Variants in SEMA6D observed in about 807,000 individuals in gnomAD.
SEMA6D encodes semaphorin-6D.
SEMA6D carries 35 observed loss-of-function variants against 106.6 expected under a neutral mutation model. The observed-to-expected ratio is 0.33, with a 90% CI of 0.25 to 0.44. The LOEUF is 0.44. Among genes scored for constraint, SEMA6D ranks in the 20% least tolerant of loss-of-function variants. The pLI, the probability that SEMA6D is intolerant of heterozygous loss-of-function variation, is 1.00. For synonymous variants in SEMA6D, 499 were observed against 487.7 expected (o/e 1.02, Z -0.31); for missense variants, 1,185 against 1,345.9 (o/e 0.88, Z 1.87).
At chr15:47,193,650 GAAAAACAAAAAC>G (rs898880818) in intron 1 of SEMA6D, among the ~76,000 whole-genome samples, 1 of 152,028 alleles carries the variant, frequency 6.6e-6, no homozygotes, top group South Asian at 2.1e-4. Flanking sequence ...GTATTTCTAT[GAAAAACAAAAAC>G]AAAAACAAAA....
chr15:47,600,283 A>G (rs1410236302), intron 3 of SEMA6D, among the ~76,000 whole-genome samples: 1 of 152,006 alleles, frequency 6.6e-6, no homozygotes, highest in African/African-American at 2.4e-5. Flanking sequence ...GGAGTAACTG[A>G]TTTATTTTGT....
chr15:47,761,431 G>A lies in SEMA6D; in HGVS notation c.447G>A (p.Arg149=). The A allele has an allele frequency of 3.1e-6, 5 of 1,598,472 alleles. No individual in the cohort carries two copies. Among genetic ancestry groups the A allele is most frequent in the Non-Finnish European group, 4.3e-6 (5 of 1,170,632 alleles). ...NAFNPMCRYY[R]LSTLEYDGEE... is the part of the protein sequence containing the mutation. ...TCAATCCCATGTGTAGATACTACAG[G>A]GTAAGTATATTTTATGTGATATGCT... Residue 149 remains arginine, a splice_region_variant and synonymous_variant, in exon 6 of 19, where the codon AGG becomes AGA. Transcript: ENST00000536845.
chr15:47,245,591 T>C (rs2033152918), intron 1 of SEMA6D, among the ~76,000 whole-genome samples: 4 of 152,350 alleles, frequency 2.6e-5, no homozygotes, highest in Admixed American at 2.0e-4. Context: ...TGGATATCTG[T>C]ACTAGTAAGG....
At chr15:47,237,967 T>C (rs542406423) in intron 1 of SEMA6D, among the ~76,000 whole-genome samples, 1 of 152,096 alleles carries the variant, frequency 6.6e-6, no homozygotes, top group South Asian at 2.1e-4. Flanking sequence ...TTAAGAAAGG[T>C]CAGCGGTTAC....
upstream of SEMA6D, among the ~76,000 whole-genome samples, chr15:47,715,242 G>C: frequency 6.6e-6 from 1 of 152,148 alleles, no homozygotes; most frequent in East Asian, 1.9e-4. Flanking sequence ...TAAAGCATAA[G>C]GTAGGGAGAG....
chr15:47,478,384 GA>G (rs1438394064), intron 3 of SEMA6D, among the ~76,000 whole-genome samples: 2 of 152,166 alleles, frequency 1.3e-5, no homozygotes, highest in Non-Finnish European at 2.9e-5. Flanking sequence ...GTAATTACAG[GA>G]AGGCAAGCAG....
chr15:47,194,669 C>T (rs973006381), intron 1 of SEMA6D, among the ~76,000 whole-genome samples: 7 of 152,120 alleles, frequency 4.6e-5, no homozygotes, highest in Non-Finnish European at 1.0e-4. Flanking sequence ...TTACAGTTAC[C>T]TGATGTCATG....
At chr15:47,508,225 C>T (rs765460067) in intron 3 of SEMA6D, among the ~76,000 whole-genome samples, 11 of 152,190 alleles carry the variant, frequency 7.2e-5, no homozygotes, top group Non-Finnish European at 7.3e-5. Context: ...TAAAGGTTAG[C>T]ATTCCATGGG....
chr15:47,704,696 G>A (rs1285475499), intron 4 of SEMA6D, among the ~76,000 whole-genome samples: 3 of 151,590 alleles, frequency 2.0e-5, no homozygotes, highest in Non-Finnish European at 4.4e-5. Flanking sequence ...TCCAGCCTGG[G>A]CAACAGAGCC....
chr15:47,686,035 C>A (rs1596630804), intron 4 of SEMA6D, among the ~76,000 whole-genome samples: 1 of 152,140 alleles, frequency 6.6e-6, no homozygotes, highest in South Asian at 2.1e-4. Flanking sequence ...TGCAGACATT[C>A]AGCTACTATC....
At chr15:47,481,082 A>G (rs541991531) in intron 3 of SEMA6D, among the ~76,000 whole-genome samples, 1 of 152,280 alleles carries the variant, frequency 6.6e-6, no homozygotes, top group South Asian at 2.1e-4. Context: ...AAATTCCCCG[A>G]GTCTTGAATG....
chr15:47,198,143 T>C (rs1894485627), intron 1 of SEMA6D, among the ~76,000 whole-genome samples: 1 of 152,100 alleles, frequency 6.6e-6, no homozygotes, highest in African/African-American at 2.4e-5. Context: ...AAAATTGATC[T>C]CATAGATGTG....
At chr15:47,768,137 T>A (rs2082441952) in intron 17 of SEMA6D, among the ~76,000 whole-genome samples, 1 of 152,192 alleles carries the variant, frequency 6.6e-6, no homozygotes, top group Non-Finnish European at 1.5e-5. Flanking sequence ...CTTAACCAGA[T>A]ATTTTCCAAC....
chr15:47,411,752 C>T (rs780284114), intron 1 of SEMA6D, among the ~76,000 whole-genome samples: 55 of 152,230 alleles, frequency 3.6e-4, no homozygotes, highest in Non-Finnish European at 5.6e-4. Flanking sequence ...TCCATGGGCT[C>T]GCATTTCTTC....
chr15:47,469,743 C>T (rs1447130844), intron 2 of SEMA6D, among the ~76,000 whole-genome samples: 1 of 152,130 alleles, frequency 6.6e-6, no homozygotes, highest in African/African-American at 2.4e-5. Context: ...GCTTACCTCC[C>T]TTCTTCATGA....
intron 1 of SEMA6D, chr15:47,730,728 G>A (rs1487670340): frequency 6.2e-7 from 1 of 1,604,454 alleles, no homozygotes; most frequent in Admixed American, 1.7e-5. Context: ...GCCGCTTATA[G>A]AGTATAGCTC....
intron 3 of SEMA6D, among the ~76,000 whole-genome samples, chr15:47,546,161 A>T (rs140018831): frequency 6.6e-6 from 1 of 152,258 alleles, no homozygotes; most frequent in African/African-American, 2.4e-5. Flanking sequence ...TTTTAAGGAA[A>T]CTTAAAACTC....
chr15:47,360,826 A>G (rs960226019), intron 1 of SEMA6D, among the ~76,000 whole-genome samples: 5 of 152,278 alleles, frequency 3.3e-5, no homozygotes, highest in African/African-American at 9.6e-5. Flanking sequence ...ATGTAAGGCT[A>G]TTATCAAACA....
chr15:47,216,912 T>C (rs2030671362), intron 1 of SEMA6D, among the ~76,000 whole-genome samples: 2 of 152,188 alleles, frequency 1.3e-5, no homozygotes, highest in Non-Finnish European at 2.9e-5. Flanking sequence ...TCTGAATATT[T>C]GTGTCCCCCT....
Sources: allele counts gnomAD v4.1 joint callset (sites outside exome capture counted in the v4.1 genomes callset), GRCh38; gene constraint gnomAD v4.1.1; transcripts MANE v1.5; gene names NCBI Gene and HGNC (gene_info 2026-07-23, HGNC 2026-07-21).